The following OTULIN variants were observed in gnomAD, a reference collection of about 807,000 sequenced individuals.
OTULIN encodes ubiquitin thioesterase otulin.
In OTULIN, 15 loss-of-function variants were observed where a neutral mutation model predicts 39.6. The ratio of observed to expected loss-of-function variants is 0.38; its 90% confidence interval spans 0.25 to 0.58. OTULIN has a LOEUF of 0.58. Among genes scored for constraint, OTULIN ranks in the 20% least tolerant of loss-of-function variants. The pLI, the probability that OTULIN is intolerant of heterozygous loss-of-function variation, is 0.66. For missense variants in OTULIN, 319 were observed against 445.9 expected (o/e 0.72, Z 2.56); for synonymous variants, 156 against 170.3 (o/e 0.92, Z 0.65).
chr5:14,674,581 CT>C (rs1471674379), intron 2 of OTULIN, among the ~76,000 whole-genome samples: 2 of 152,108 alleles, frequency 1.3e-5, no homozygotes, highest in Non-Finnish European at 2.9e-5. Context: ...ACAAGGAGAC[CT>C]TGTGTCTACA....
chr5:14,702,832 A>G (rs13355536), downstream of OTULIN, among the ~76,000 whole-genome samples: 3,740 of 152,308 alleles, frequency 0.025, 138 homozygotes, highest in African/African-American at 0.085. Flanking sequence ...GGTCTTTGGA[A>G]TCAAGGGTTT....
At chr5:14,715,123 G>A in the OTULIN span, among the ~76,000 whole-genome samples, 2 of 152,310 alleles carry the variant, frequency 1.3e-5, no homozygotes, top group African/African-American at 4.8e-5. Flanking sequence ...GGGGCTCCAT[G>A]GCTCCTTTCT....
chr5:14,692,628 A>G (rs1315405125), intron 6 of OTULIN, among the ~76,000 whole-genome samples: 1 of 147,732 alleles, frequency 6.8e-6, no homozygotes, highest in Non-Finnish European at 1.5e-5. Flanking sequence ...AAAGTTCTTT[A>G]TTCTGGATAC....
At position 14,688,805 on chromosome 5, in the gene OTULIN, C is replaced by T. The variant is rs556060691; in HGVS notation, c.594+1159C>T. ...AGGGCTGTAGCCCTGTGGGAGTGAA[C>T]GAGAGGGCCCTTCAGCGCAACCACA... On this transcript the variant is annotated intron_variant, in intron 5 of 6. Transcript: ENST00000284274. Among the ~76,000 whole-genome samples the T allele has an allele frequency of 3.3e-5, 5 of 152,144 alleles. No homozygotes were observed. The East Asian group carries it at 5.8e-4, about 18-fold the overall frequency.
chr5:14,706,963 A>C, the OTULIN span: 1 of 152,082 alleles, frequency 6.6e-6, no homozygotes, highest in Non-Finnish European at 1.5e-5. Context: ...ACATCTCAAC[A>C]CTCCACGTCT....
chr5:14,664,769 G>T lies in OTULIN; in HGVS notation c.-57G>T. 8.9e-7 allele frequency: 1 copy of T among 1,123,550 alleles called. No homozygotes were observed. The allele number at this position is 1,123,550 out of a possible 1,614,324, so 69.6% of individuals were successfully genotyped here. The stretch of plus-strand genomic sequence containing the variant: ...TGCGGCCACTGCCTGGCACCCCGAC[G>T]GGAGGGGCTCCGGATCGTTCGGAGC... On this transcript the variant is annotated 5_prime_UTR_variant, in exon 1 of 7. Coordinates refer to ENST00000284274, the MANE Select transcript of OTULIN (RefSeq NM_138348.6).
the OTULIN span, among the ~76,000 whole-genome samples, chr5:14,714,978 C>T: frequency 6.6e-6 from 1 of 152,366 alleles, no homozygotes; most frequent in Admixed American, 6.5e-5. Flanking sequence ...TTGGTTCGCC[C>T]TGTGTCTACC....
At chr5:14,712,052 A>C in the OTULIN span, among the ~76,000 whole-genome samples, 2 of 152,160 alleles carry the variant, frequency 1.3e-5, no homozygotes, top group Admixed American at 1.3e-4. Context: ...CATGCTCAGT[A>C]ATGACCATCA....
intron 1 of OTULIN, among the ~76,000 whole-genome samples, chr5:14,672,122 C>T (rs990295985): frequency 2.6e-5 from 4 of 152,144 alleles, no homozygotes; most frequent in Non-Finnish European, 5.9e-5. Flanking sequence ...ATGTGTTTGG[C>T]AGGGGGCAGG....
chr5:14,702,839 G>A (rs758083308), downstream of OTULIN, among the ~76,000 whole-genome samples: 1 of 152,154 alleles, frequency 6.6e-6, no homozygotes, highest in African/African-American at 2.4e-5. Flanking sequence ...GGAATCAAGG[G>A]TTTCTGAACC....
chr5:14,704,218 TACTC>T (rs1736872499), downstream of OTULIN, among the ~76,000 whole-genome samples: 2 of 149,154 alleles, frequency 1.3e-5, no homozygotes, highest in Non-Finnish European at 3.0e-5. Flanking sequence ...TAGTCCCAGC[TACTC>T]GGGAGGCTGA....
At chr5:14,689,074 A>G (rs1028418412) in intron 5 of OTULIN, among the ~76,000 whole-genome samples, 1 of 152,166 alleles carries the variant, frequency 6.6e-6, no homozygotes, top group Non-Finnish European at 1.5e-5. Flanking sequence ...TGTGGTCATC[A>G]CTGTTTTTTA....
chr5:14,704,254 C>T (rs964033940), downstream of OTULIN, among the ~76,000 whole-genome samples: 2 of 124,760 alleles, frequency 1.6e-5, no homozygotes, highest in African/African-American at 3.0e-5. Context: ...CGCTCGAACC[C>T]GGGAGGCAGA....
the OTULIN span, chr5:14,713,625 T>G: frequency 1.9e-6 from 3 of 1,614,178 alleles, no homozygotes; most frequent in Non-Finnish European, 2.5e-6. This position sits in a 1 kb window ranked among gnomAD's most constrained non-coding sequence, Gnocchi z 4.4. Flanking sequence ...GAAGGTTTTC[T>G]TCAGTGTCAT....
chr5:14,681,057 T>A (rs1736236431), intron 3 of OTULIN, among the ~76,000 whole-genome samples: 2 of 152,068 alleles, frequency 1.3e-5, no homozygotes, highest in South Asian at 4.1e-4. Flanking sequence ...CGAAACTGCA[T>A]CTCAAAAAAA....
chr5:14,703,324 CAAAAAAAAAAAAAAAAAAAAAAA>C (rs59779015), downstream of OTULIN, among the ~76,000 whole-genome samples: 6 of 122,094 alleles, frequency 4.9e-5, no homozygotes, highest in South Asian at 2.7e-4. Context: ...TTAATAGTGT[CAAAAAAAAAAAAAAAAAAAAAAA>C]AAAAAAAAAA....
chr5:14,713,607 G>A, the OTULIN span: 1 of 1,614,196 alleles, frequency 6.2e-7, no homozygotes, highest in Non-Finnish European at 8.5e-7. The surrounding 1 kb of genome is among the most constrained non-coding windows in gnomAD (Gnocchi z 4.4). Context: ...AGAGCTGGGG[G>A]CAAGGACGAA....
At chr5:14,716,131 A>T in the OTULIN span, among the ~76,000 whole-genome samples, 21 of 152,304 alleles carry the variant, frequency 1.4e-4, no homozygotes, top group African/African-American at 4.6e-4. Flanking sequence ...GGGCCGTTTT[A>T]TTGTCCCCAA....
chr5:14,692,460 A>G (rs1185555998), intron 6 of OTULIN, among the ~76,000 whole-genome samples: 1 of 152,094 alleles, frequency 6.6e-6, no homozygotes, highest in African/African-American at 2.4e-5. Context: ...TTGTAGTTGG[A>G]TTTGGATTTT....
Sources: gnomAD v4.1 joint callset for allele counts (sites outside exome capture counted in the v4.1 genomes callset) on GRCh38, gnomAD v4.1.1 for gene constraint, Gnocchi (gnomAD v3.1) non-coding constraint, MANE v1.5 for transcripts, NCBI Gene and HGNC (gene_info 2026-07-23, HGNC 2026-07-21) for gene names.